The following SPON1 variants were observed in gnomAD, a reference collection of about 807,000 sequenced individuals.
The protein encoded by SPON1 is spondin-1.
A neutral mutation model predicts 111.7 loss-of-function variants in SPON1; 52 were observed. The ratio of observed to expected loss-of-function variants is 0.47; its 90% CI spans 0.37 to 0.59. The LOEUF (loss-of-function observed/expected upper bound fraction) is 0.59, where lower values mean the gene tolerates loss of function less well. Ranked by LOEUF, SPON1 falls within the 20% of genes least tolerant of loss-of-function variation. The probability of loss-of-function intolerance (pLI) is 0.00; values close to 1 mark genes in which losing one functional copy is unlikely to be tolerated. For missense variants in SPON1, 957 were observed against 1,068.5 expected, an observed-to-expected ratio of 0.90 and a Z score of 1.46; for synonymous variants, 410 against 395.8, an observed-to-expected ratio of 1.04 and a Z score of -0.43.
At chr11:14,237,595 T>G (rs2133915712) in intron 6 of SPON1, among the ~76,000 whole-genome samples, 1 of 152,362 alleles carries the variant, frequency 6.6e-6, no homozygotes, top group East Asian at 1.9e-4. Flanking sequence ...TTTCCAAAGC[T>G]TTCTGTAAGA....
intron 6 of SPON1, among the ~76,000 whole-genome samples, chr11:14,225,595 C>T (rs1185936355): frequency 6.6e-6 from 1 of 152,114 alleles, no homozygotes; most frequent in Non-Finnish European, 1.5e-5. Flanking sequence ...AAATAATCGT[C>T]GTTTTTATTG....
At chr11:14,011,119 T>C (rs1245747357) in intron 2 of SPON1, among the ~76,000 whole-genome samples, 3 of 152,114 alleles carry the variant, frequency 2.0e-5, no homozygotes, top group African/African-American at 7.2e-5. Context: ...GGCAGCTGAG[T>C]TTGGGTAGCA....
At chr11:13,993,466 C>T (rs1394594978) in intron 2 of SPON1, among the ~76,000 whole-genome samples, 1 of 152,132 alleles carries the variant, frequency 6.6e-6, no homozygotes, top group Non-Finnish European at 1.5e-5. Context: ...CCAAAAACTG[C>T]TCCCTGGAAT....
In SPON1 at chr11:14,259,239, G is replaced by GCCAC; in HGVS notation, c.1493-39_1493-36dup. On this transcript the variant is annotated intron_variant, in intron 11 of 15. Transcript: ENST00000576479. This position sits in a 1 kb window ranked among gnomAD's most constrained non-coding sequence, Gnocchi z 5.0. ...ACCGCGCAGCCTGGCAGGCGCCCCT[G>GCCAC]CCACCGTGCACTGCTGCAGCGTTCA... is the stretch of plus-strand genomic sequence containing the variant. The GCCAC allele has an allele frequency of 1.3e-6, 2 of 1,534,678 alleles. No individual in the cohort carries two copies. Among genetic ancestry groups the GCCAC allele is most frequent in the Non-Finnish European group, 1.8e-6 (2 of 1,137,316 alleles).
At chr11:14,224,332 C>T (rs1036009886) in intron 6 of SPON1, among the ~76,000 whole-genome samples, 2 of 152,002 alleles carry the variant, frequency 1.3e-5, no homozygotes, top group Non-Finnish European at 2.9e-5. Context: ...CTAAACCAAG[C>T]GGTCAGGAAA....
At chr11:14,184,457 C>A (rs532363048) in intron 6 of SPON1, among the ~76,000 whole-genome samples, 1 of 152,116 alleles carries the variant, frequency 6.6e-6, no homozygotes, top group South Asian at 2.1e-4. Context: ...ATTGCTATTA[C>A]CTCTGAAGCA....
At chr11:13,993,272 G>T (rs575262154) in intron 2 of SPON1, among the ~76,000 whole-genome samples, 2 of 151,982 alleles carry the variant, frequency 1.3e-5, no homozygotes, top group African/African-American at 2.4e-5. Context: ...CGAGGAGAAG[G>T]GGGTGGGGCT....
intron 5 of SPON1, among the ~76,000 whole-genome samples, chr11:14,110,881 A>G (rs1849222111): frequency 6.6e-6 from 1 of 152,184 alleles, no homozygotes; most frequent in African/African-American, 2.4e-5. Flanking sequence ...TCTAATATTC[A>G]CTGTCACACC....
At chr11:14,057,837 A>AAAAAC (rs1848757259) in intron 3 of SPON1, among the ~76,000 whole-genome samples, 1 of 148,418 alleles carries the variant, frequency 6.7e-6, no homozygotes, top group South Asian at 2.2e-4. Context: ...TCTACAAAAA[A>AAAAAC]AAAAAACAAA....
At chr11:14,042,207 T>G (rs1465957900) in intron 3 of SPON1, among the ~76,000 whole-genome samples, 1 of 152,226 alleles carries the variant, frequency 6.6e-6, no homozygotes, top group Non-Finnish European at 1.5e-5. Flanking sequence ...AGTTTTCCTC[T>G]GGAAGGTAGC....
chr11:14,001,245 T>C (rs1554912405), intron 2 of SPON1, among the ~76,000 whole-genome samples: 1 of 152,108 alleles, frequency 6.6e-6, no homozygotes, highest in African/African-American at 2.4e-5. Context: ...GTAGACTGCT[T>C]GGAGAGTTAA....
chr11:14,263,205 C>T lies in SPON1; in HGVS notation c.2260+230C>T, dbSNP rs375405853. On this transcript the variant is annotated intron_variant, in intron 15 of 15. Coordinates refer to ENST00000576479, the MANE Select transcript of SPON1 (RefSeq NM_006108.4). ...GCGGTGGGGGTCATTTATCAAAGAACATTTAGATAACCTAATTACCTGCCA... is the reference window on the plus strand; with the variant it reads ...GCGGTGGGGGTCATTTATCAAAGAATATTTAGATAACCTAATTACCTGCCA... Among the ~76,000 whole-genome samples, 11 of 152,050 alleles carry T rather than the reference C, an allele frequency of 7.2e-5. No homozygotes were observed. The East Asian group carries it at 1.4e-3, about 19-fold the overall frequency.
At chr11:14,165,243 T>C (rs1554931763) in intron 6 of SPON1, among the ~76,000 whole-genome samples, 1 of 146,946 alleles carries the variant, frequency 6.8e-6, no homozygotes, top group African/African-American at 2.5e-5. Flanking sequence ...TTAGATCTGT[T>C]TCACTGTCTC....
intron 2 of SPON1, among the ~76,000 whole-genome samples, chr11:14,006,338 T>C (rs1454361900): frequency 6.6e-6 from 1 of 152,142 alleles, no homozygotes; most frequent in African/African-American, 2.4e-5. Context: ...GAGTTTTAGA[T>C]TAGGCAACAA....
chr11:14,156,460 T>C (rs1410701116), intron 6 of SPON1, among the ~76,000 whole-genome samples: 1 of 146,118 alleles, frequency 6.8e-6, no homozygotes, highest in Non-Finnish European at 1.5e-5. Context: ...TTCACTCTGA[T>C]GGTAGTTTCT....
At chr11:14,257,445 G>A (rs758078087) in intron 10 of SPON1, among the ~76,000 whole-genome samples, 1 of 152,226 alleles carries the variant, frequency 6.6e-6, no homozygotes, top group Non-Finnish European at 1.5e-5. Flanking sequence ...ATGCCAAGAT[G>A]AGGGACTGAA....
intron 15 of SPON1, 50 bp from the exon 16 acceptor site, chr11:14,265,474 C>G: frequency 6.4e-7 from 1 of 1,572,314 alleles, no homozygotes; most frequent in Non-Finnish European, 8.6e-7. Context: ...TTCAGCATCC[C>G]TGTTCCGTCC....
chr11:14,093,881 C>A (rs1478561222), intron 5 of SPON1, among the ~76,000 whole-genome samples: 1 of 152,126 alleles, frequency 6.6e-6, no homozygotes, highest in African/African-American at 2.4e-5. Flanking sequence ...TAAGTAATGT[C>A]AGGTCTTTTG....
At chr11:14,061,406 ATCTAAT>A (rs1318019141) in intron 3 of SPON1, among the ~76,000 whole-genome samples, 1 of 152,250 alleles carries the variant, frequency 6.6e-6, no homozygotes, top group Non-Finnish European at 1.5e-5. Context: ...CTATCCAGTC[ATCTAAT>A]TCTGTTATCC....
Sources: allele counts gnomAD v4.1 joint callset (sites outside exome capture counted in the v4.1 genomes callset), GRCh38; gene constraint gnomAD v4.1.1; non-coding constraint Gnocchi (gnomAD v3.1); transcripts MANE v1.5; gene names NCBI Gene and HGNC (gene_info 2026-07-23, HGNC 2026-07-21).